MDGA2: variants seen among roughly 807,000 people sequenced by gnomAD.
MDGA2 encodes the protein MAM domain containing glycosylphosphatidylinositol anchor 2, also known as MAM domain-containing glycosylphosphatidylinositol anchor protein 2.
A neutral mutation model predicts 117.8 loss-of-function variants in MDGA2; 40 were observed. That is an observed-to-expected ratio of 0.34 (90% confidence interval 0.26 to 0.44). The LOEUF (loss-of-function observed/expected upper bound fraction) is 0.44. MDGA2 is among the 20% of genes least tolerant of loss of function. The pLI is 1.00. For missense variants in MDGA2, 1,123 were observed against 1,250.6 expected, an observed-to-expected ratio of 0.90 and a Z score of 1.54; for synonymous variants, 452 against 439.0, an observed-to-expected ratio of 1.03 and a Z score of -0.37.
chr14:46,924,142 A>G (rs1434184749), intron 9 of MDGA2, among the ~76,000 whole-genome samples: 1 of 151,974 alleles, frequency 6.6e-6, no homozygotes, highest in Non-Finnish European at 1.5e-5. Context: ...ATCATGTATG[A>G]TTATATATAA....
At chr14:47,522,181 T>C (rs1277684889) in intron 1 of MDGA2, among the ~76,000 whole-genome samples, 1 of 152,176 alleles carries the variant, frequency 6.6e-6, no homozygotes, top group African/African-American at 2.4e-5. Context: ...TTTCACTTTC[T>C]TTATACAGGT....
chr14:47,530,633 G>A (rs183935824), intron 1 of MDGA2, among the ~76,000 whole-genome samples: 153 of 152,058 alleles, frequency 1.0e-3, no homozygotes, highest in African/African-American at 3.1e-3. Flanking sequence ...GTGCATTGGC[G>A]GCATCGCAGG....
intron 1 of MDGA2, among the ~76,000 whole-genome samples, chr14:47,409,206 T>C (rs1247875875): frequency 6.6e-6 from 1 of 152,218 alleles, no homozygotes; most frequent in African/African-American, 2.4e-5. Context: ...GCTGCTGTAT[T>C]GAACATAGCC....
chr14:46,935,784 A>G (rs1307196342), intron 9 of MDGA2, among the ~76,000 whole-genome samples: 12 of 152,016 alleles, frequency 7.9e-5, no homozygotes, highest in Admixed American at 7.9e-4. Context: ...GGCTTCCAAC[A>G]CTTCCTTGAG....
chr14:47,023,254 A>C (rs954078924), intron 8 of MDGA2, among the ~76,000 whole-genome samples: 1 of 151,896 alleles, frequency 6.6e-6, no homozygotes, highest in Non-Finnish European at 1.5e-5. Context: ...TCTGACAGCA[A>C]TGCAGCAATG....
Position 46,882,049 on chromosome 14 carries a change from T to C in MDGA2, c.2411A>G (p.Tyr804Cys), listed in dbSNP as rs982888712. The change falls in exon 11 of 17, where the codon TAT becomes TGT. Residue 804 changes from tyrosine (Y) to cysteine (C), a missense_variant. Tyr to Cys is a radical substitution (Grantham distance 194). Around this residue, in one of 2 missense-constraint regions of MDGA2, gnomAD observed 890 missense variants for 1,050.3 expected, o/e 0.85. Transcript: ENST00000399232. ...EGDSTIRVIK[Y>C]SAPVNPHLRE... Reference sequence around the variant, plus strand: ...TTAAATGAAAGGCTACTTACCACTATATTTGATCACACGAATTGTTGAATC... The same window carrying C: ...TTAAATGAAAGGCTACTTACCACTACATTTGATCACACGAATTGTTGAATC... 3 of 1,598,908 alleles carry C rather than the reference T, an allele frequency of 1.9e-6. No individual in the cohort carries two copies. Among genetic ancestry groups the C allele is most frequent in the Non-Finnish European group, 2.6e-6 (3 of 1,171,280 alleles).
At chr14:46,925,521 A>G (rs1287759335) in intron 9 of MDGA2, among the ~76,000 whole-genome samples, 1 of 149,786 alleles carries the variant, frequency 6.7e-6, no homozygotes, top group African/African-American at 2.4e-5. Context: ...AATCCCAGCT[A>G]TTCGGGAGGC....
intron 1 of MDGA2, 77 bp downstream of exon 1, chr14:47,674,440 C>T (rs1435451780): frequency 3.2e-5 from 41 of 1,289,214 alleles, no homozygotes; most frequent in Non-Finnish European, 4.2e-5. Context: ...CGGAACGGCG[C>T]GAGTCGTGCA....
intron 1 of MDGA2, among the ~76,000 whole-genome samples, chr14:47,542,428 G>C (rs1895371401): frequency 6.6e-6 from 1 of 152,140 alleles, no homozygotes; most frequent in South Asian, 2.1e-4. Flanking sequence ...ACAATTTCCT[G>C]TGAGTTTTGT....
chr14:47,526,173 C>G (rs888282593), intron 1 of MDGA2, among the ~76,000 whole-genome samples: 5 of 152,028 alleles, frequency 3.3e-5, no homozygotes, highest in Admixed American at 3.3e-4. Flanking sequence ...CATACTTAGG[C>G]GTTCCTGATA....
At chr14:46,901,839 A>C (rs1424283358) in intron 10 of MDGA2, among the ~76,000 whole-genome samples, 1 of 152,188 alleles carries the variant, frequency 6.6e-6, no homozygotes, top group African/African-American at 2.4e-5. Flanking sequence ...TGGCAGTCTT[A>C]ACTGAGAGCT....
chr14:47,640,428 C>T (rs1486607980), intron 1 of MDGA2, among the ~76,000 whole-genome samples: 2 of 152,174 alleles, frequency 1.3e-5, no homozygotes, highest in Non-Finnish European at 2.9e-5. Context: ...TTTTACCCCA[C>T]TAGTCTTCCT....
intron 7 of MDGA2, 99 bp from the exon 8 acceptor site, chr14:47,035,403 G>T: frequency 1.1e-6 from 1 of 920,988 alleles, no homozygotes; most frequent in Non-Finnish European, 1.6e-6. Flanking sequence ...GCTGGCTGAA[G>T]AAATGTGACA....
At chr14:47,420,414 T>C (rs1006707160) in intron 1 of MDGA2, among the ~76,000 whole-genome samples, 1 of 152,138 alleles carries the variant, frequency 6.6e-6, no homozygotes, top group African/African-American at 2.4e-5. Flanking sequence ...AATTCTTTAT[T>C]TGGGAAAATC....
At chr14:47,157,940 T>C (rs539696226) in intron 3 of MDGA2, among the ~76,000 whole-genome samples, 4 of 152,206 alleles carry the variant, frequency 2.6e-5, no homozygotes, top group Admixed American at 6.5e-5. Flanking sequence ...TAAATGTCTT[T>C]TTTTTGTAAA....
chr14:47,530,766 A>G (rs1348629521), intron 1 of MDGA2, among the ~76,000 whole-genome samples: 1 of 152,156 alleles, frequency 6.6e-6, no homozygotes, highest in Non-Finnish European at 1.5e-5. Flanking sequence ...GCTAGATCCC[A>G]CAATAGTTAG....
Position 47,566,551 on chromosome 14 carries a change from G to T in MDGA2, c.280+107966C>A, listed in dbSNP as rs1056467709. On this transcript the variant is annotated intron_variant, in intron 1 of 16. Transcript: ENST00000399232. Reference sequence around the variant, plus strand: ...TGGGCTGCACACATGCTGGAGTCTTGCACTTGTCACTTCTCTAAGTAGCTC... The same window carrying T: ...TGGGCTGCACACATGCTGGAGTCTTTCACTTGTCACTTCTCTAAGTAGCTC... Among the ~76,000 whole-genome samples the T allele has an allele frequency of 2.0e-5, 3 of 152,300 alleles. 1 individual carries two copies. The highest frequency in any genetic ancestry group is 7.2e-5 in the African/African-American group (3 of 41,566).
chr14:46,992,628 C>T (rs1887135317), intron 8 of MDGA2, among the ~76,000 whole-genome samples: 1 of 152,108 alleles, frequency 6.6e-6, no homozygotes, highest in African/African-American at 2.4e-5. Context: ...ATAGAATATT[C>T]TATCATTCAG....
chr14:47,666,819 G>A (rs906220733), intron 1 of MDGA2, among the ~76,000 whole-genome samples: 3 of 151,968 alleles, frequency 2.0e-5, no homozygotes, highest in Admixed American at 6.6e-5. Flanking sequence ...CACTCACTGC[G>A]AAGGTCTACA....
Sources: allele counts gnomAD v4.1 joint callset (sites outside exome capture counted in the v4.1 genomes callset), GRCh38; gene constraint gnomAD v4.1.1; regional missense constraint gnomAD v4.1.1; transcripts MANE v1.5; gene names NCBI Gene and HGNC (gene_info 2026-07-23, HGNC 2026-07-21).